FAM13A: variants seen among roughly 807,000 people sequenced by gnomAD.
The protein encoded by FAM13A is family with sequence similarity 13 member A.
A neutral mutation model predicts 129.6 loss-of-function variants in FAM13A; 76 were observed. The ratio of observed to expected loss-of-function variants is 0.59; its 90% CI spans 0.49 to 0.71. The LOEUF is 0.71. FAM13A is among the 30% of genes least tolerant of loss of function. The probability of loss-of-function intolerance (pLI) is 0.00; values close to 1 mark genes in which losing one functional copy is unlikely to be tolerated. For missense variants in FAM13A, 1,108 were observed against 1,249.3 expected (o/e 0.89, Z 1.70); for synonymous variants, 443 against 449.9 (o/e 0.98, Z 0.20).
chr4:88,958,846 G>A (rs1280319258), intron 4 of FAM13A, among the ~76,000 whole-genome samples: 1 of 152,170 alleles, frequency 6.6e-6, no homozygotes, highest in Non-Finnish European at 1.5e-5. Context: ...TCAACATCCT[G>A]TAAGTTTAGC....
Position 88,728,617 on chromosome 4 carries a change from G to A in FAM13A, c.2988C>T (p.Tyr996=), listed in dbSNP as rs1322602904. 2.5e-6 allele frequency: 4 copies of A among 1,614,082 alleles called. No homozygotes were observed. Among genetic ancestry groups the A allele is most frequent in the Non-Finnish European group, 3.4e-6 (4 of 1,179,950 alleles). Reference sequence around the variant, plus strand: ...TCGCCTTTATGTGCTTATATTCACTGTATTCTTCAGCCATAGGAGTGCGGT... The same window carrying A: ...TCGCCTTTATGTGCTTATATTCACTATATTCTTCAGCCATAGGAGTGCGGT... The part of the protein sequence containing the change: ...KEDRTPMAEE[Y]SEYKHIKAKL... Residue 996 remains tyrosine, a synonymous_variant, in exon 24 of 24, where the codon TAC becomes TAT. Coordinates refer to ENST00000264344, the MANE Select transcript of FAM13A (RefSeq NM_014883.4).
chr4:88,875,032 A>C (rs1453438695), intron 6 of FAM13A, among the ~76,000 whole-genome samples: 12 of 152,180 alleles, frequency 7.9e-5, no homozygotes, highest in Admixed American at 2.6e-4. Flanking sequence ...CAAAAACAAG[A>C]AATGGGGAAA....
intron 5 of FAM13A, among the ~76,000 whole-genome samples, chr4:88,925,096 C>T (rs1212735771): frequency 6.6e-6 from 1 of 150,994 alleles, no homozygotes; most frequent in African/African-American, 2.4e-5. Context: ...AACACTTTTA[C>T]ACTGTTGGTG....
intron 6 of FAM13A, among the ~76,000 whole-genome samples, chr4:88,857,808 G>T (rs1738806874): frequency 6.6e-6 from 1 of 152,010 alleles, no homozygotes; most frequent in Non-Finnish European, 1.5e-5. Context: ...ATGTTTGTGG[G>T]TTTTGTTAAC....
intron 4 of FAM13A, among the ~76,000 whole-genome samples, chr4:88,943,608 T>A (rs1755143606): frequency 6.6e-6 from 1 of 152,248 alleles, no homozygotes; most frequent in East Asian, 1.9e-4. Flanking sequence ...ACAACTGTGA[T>A]CTTAAAGCAT....
intron 4 of FAM13A, among the ~76,000 whole-genome samples, chr4:88,941,913 T>G (rs1213973540): frequency 1.3e-5 from 2 of 152,126 alleles, no homozygotes; most frequent in Non-Finnish European, 2.9e-5. Context: ...TTGCTCTAAG[T>G]GGTTATTACT....
intron 5 of FAM13A, among the ~76,000 whole-genome samples, chr4:88,918,673 T>C (rs764978077): frequency 3.9e-5 from 6 of 152,230 alleles, no homozygotes; most frequent in Non-Finnish European, 7.3e-5. Flanking sequence ...CACCTATATA[T>C]TGGAGTGAAA....
At chr4:88,862,823 T>C (rs955069157) in intron 6 of FAM13A, among the ~76,000 whole-genome samples, 2 of 152,054 alleles carry the variant, frequency 1.3e-5, no homozygotes, top group Non-Finnish European at 2.9e-5. Context: ...ATAAGGAAGT[T>C]TGGGTAGATC....
At chr4:88,938,671 C>A (rs1475903051) in intron 4 of FAM13A, among the ~76,000 whole-genome samples, 1 of 152,130 alleles carries the variant, frequency 6.6e-6, no homozygotes, top group East Asian at 1.9e-4. Flanking sequence ...GAAATGAATA[C>A]TTCTGGGGAA....
chr4:88,800,045 G>A (rs1727100396), intron 8 of FAM13A, among the ~76,000 whole-genome samples: 1 of 152,214 alleles, frequency 6.6e-6, no homozygotes, highest in South Asian at 2.1e-4. Context: ...AAATATGCCA[G>A]TCACAAAAGG....
chr4:88,828,122 T>C (rs948477503), intron 7 of FAM13A, among the ~76,000 whole-genome samples: 1 of 152,168 alleles, frequency 6.6e-6, no homozygotes, highest in African/African-American at 2.4e-5. Flanking sequence ...TCTAGGCTAA[T>C]TGAAAGAAAT....
chr4:88,880,026 T>C (rs140000230), intron 6 of FAM13A, among the ~76,000 whole-genome samples: 2,856 of 152,208 alleles, frequency 0.019, 84 homozygotes, highest in African/African-American at 0.061. Flanking sequence ...CACCTACCTA[T>C]ATTATTATTA....
At chr4:88,815,825 G>GGAATGCTTATATAATAACT (rs1730610799) in intron 7 of FAM13A, among the ~76,000 whole-genome samples, 1 of 151,908 alleles carries the variant, frequency 6.6e-6, no homozygotes, top group African/African-American at 2.4e-5. Flanking sequence ...AAAAATTAAA[G>GGAATGCTTATATAATAACT]AAGGCTGAAT....
chr4:88,732,639 A>C (rs1043849454), intron 21 of FAM13A: 4 of 153,160 alleles, frequency 2.6e-5, no homozygotes, highest in African/African-American at 9.6e-5. Context: ...TTAAAAAAAA[A>C]AAAAATCAGT....
intron 6 of FAM13A, among the ~76,000 whole-genome samples, chr4:88,852,730 T>A (rs1737818295): frequency 6.6e-6 from 1 of 152,180 alleles, no homozygotes; most frequent in East Asian, 1.9e-4. Flanking sequence ...ATACTTATTG[T>A]GAGACAATCC....
intron 6 of FAM13A, among the ~76,000 whole-genome samples, chr4:88,854,212 A>G (rs1020111855): frequency 9.2e-5 from 14 of 152,188 alleles, no homozygotes; most frequent in African/African-American, 2.9e-4. Context: ...TTTATAAAAC[A>G]TATTCTAATC....
At chr4:88,930,539 C>T (rs2704603) in intron 5 of FAM13A, among the ~76,000 whole-genome samples, 27,494 of 152,002 alleles carry the variant, frequency 0.18, 2,643 homozygotes, top group Non-Finnish European at 0.21. Context: ...GGGACTTGGA[C>T]ATCAACTAAG....
In FAM13A at chr4:88,750,634, G is replaced by C; in HGVS notation, c.1730C>G (p.Pro577Arg). The change falls in exon 15 of 24, where the codon CCT becomes CGT. Residue 577 changes from proline to arginine, a missense_variant. Transcript: ENST00000264344. Reference protein sequence around the residue: ...ALCDEKNWEEPIPAFSSWQRE... With the variant: ...ALCDEKNWEERIPAFSSWQRE... ...CTGCCAGGAGGAGAAAGCAGGGATA[G>C]GCTCTGGAAGATAAGGGCAGTAAGA... 6.2e-7 allele frequency: 1 copy of C among 1,602,658 alleles called. No individual in the cohort carries two copies. The highest frequency in any genetic ancestry group is 1.5e-5 in the African/African-American group (1 of 67,990).
chr4:88,991,237 T>C, intron 3 of FAM13A, 87 bp from the exon 4 acceptor site: 1 of 1,003,902 alleles, frequency 1.0e-6, no homozygotes, highest in East Asian at 2.6e-5. Context: ...TTCTAACATT[T>C]TATTCAGAAA....
Sources: gnomAD v4.1 joint callset for allele counts (sites outside exome capture counted in the v4.1 genomes callset) on GRCh38, gnomAD v4.1.1 for gene constraint, MANE v1.5 for transcripts, NCBI Gene and HGNC (gene_info 2026-07-23, HGNC 2026-07-21) for gene names.